Variants in GRIK2 observed in about 807,000 individuals in gnomAD.
The protein encoded by GRIK2 is glutamate receptor ionotropic, kainate 2.
Under a neutral mutation model 100.3 loss-of-function variants are expected in GRIK2, and 32 were observed. The ratio of observed to expected loss-of-function variants is 0.32; its 90% CI spans 0.24 to 0.43. The LOEUF (loss-of-function observed/expected upper bound fraction) is 0.43, where lower values mean the gene tolerates loss of function less well. GRIK2 is among the 20% of genes least tolerant of loss of function. The pLI, the probability that GRIK2 is intolerant of heterozygous loss-of-function variation, is 1.00. For synonymous variants in GRIK2, 417 were observed against 389.4 expected (o/e 1.07, Z -0.83); for missense variants, 843 against 1,114.9 (o/e 0.76, Z 3.47).
intron 2 of GRIK2, among the ~76,000 whole-genome samples, chr6:101,442,585 T>C (rs1176842390): frequency 6.6e-6 from 1 of 152,040 alleles, no homozygotes; most frequent in African/African-American, 2.4e-5. Context: ...TAGAAGGAAG[T>C]ATAAAACACA....
intron 10 of GRIK2, among the ~76,000 whole-genome samples, chr6:101,825,105 G>A (rs576608348): frequency 6.6e-6 from 1 of 152,232 alleles, no homozygotes; most frequent in East Asian, 1.9e-4. Context: ...TGGAAACCCA[G>A]ACACTGCAAC....
chr6:101,870,440 A>G (rs931294686), intron 11 of GRIK2, among the ~76,000 whole-genome samples: 8 of 151,952 alleles, frequency 5.3e-5, no homozygotes, highest in Admixed American at 2.0e-4. Context: ...CCCAAGCATT[A>G]TATTTTATTG....
At chr6:101,895,701 C>T (rs1050578540) in intron 12 of GRIK2, among the ~76,000 whole-genome samples, 4 of 151,542 alleles carry the variant, frequency 2.6e-5, no homozygotes, top group African/African-American at 9.7e-5. Flanking sequence ...ACCAACTTGC[C>T]AGCTTTTTAC....
At chr6:102,027,371 T>C (rs966384710) in intron 14 of GRIK2, among the ~76,000 whole-genome samples, 6 of 151,210 alleles carry the variant, frequency 4.0e-5, no homozygotes, top group Non-Finnish European at 7.4e-5. Context: ...TATTTATAAA[T>C]GTCTGTTTAT....
At chr6:101,575,850 A>G (rs890068859) in intron 2 of GRIK2, among the ~76,000 whole-genome samples, 1 of 151,942 alleles carries the variant, frequency 6.6e-6, no homozygotes, top group Non-Finnish European at 1.5e-5. Flanking sequence ...GTTTCCATTC[A>G]TGCCCACACC....
intron 14 of GRIK2, among the ~76,000 whole-genome samples, chr6:101,939,303 G>A (rs549228657): frequency 8.0e-4 from 121 of 151,982 alleles, no homozygotes; most frequent in Non-Finnish European, 1.3e-3. Context: ...TAGATAAATC[G>A]AGAGTATATG....
At chr6:101,572,139 G>T (rs767699877) in intron 2 of GRIK2, among the ~76,000 whole-genome samples, 15 of 151,912 alleles carry the variant, frequency 9.9e-5, no homozygotes, top group South Asian at 8.3e-4. Context: ...TTTAAAAAAA[G>T]TTGCTTTTTT....
chr6:101,737,200 C>A (rs932793778), intron 7 of GRIK2, among the ~76,000 whole-genome samples: 5 of 152,092 alleles, frequency 3.3e-5, no homozygotes, highest in African/African-American at 1.2e-4. Flanking sequence ...TCTTCTGAGC[C>A]CTCCAATCTG....
chr6:101,988,132 T>TGTGTGCGC (rs1231517176), intron 14 of GRIK2, among the ~76,000 whole-genome samples: 3 of 29,552 alleles, frequency 1.0e-4, no homozygotes, highest in African/African-American at 2.0e-4. Flanking sequence ...TGTGTGTGTG[T>TGTGTGCGC]GCGCGCGCGC....
intron 2 of GRIK2, among the ~76,000 whole-genome samples, chr6:101,553,390 T>C (rs1391113014): frequency 2.6e-5 from 4 of 152,216 alleles, no homozygotes; most frequent in African/African-American, 7.2e-5. Context: ...TTTTCTTTTG[T>C]ATACATTTCT....
intron 4 of GRIK2, among the ~76,000 whole-genome samples, chr6:101,670,260 A>G (rs1292530148): frequency 6.6e-6 from 1 of 152,146 alleles, no homozygotes; most frequent in South Asian, 2.1e-4. Context: ...TGCAAAAAAT[A>G]TATGTGGAAT....
At chr6:101,590,062 A>G (rs1778568679) in intron 2 of GRIK2, among the ~76,000 whole-genome samples, 1 of 152,108 alleles carries the variant, frequency 6.6e-6, no homozygotes, top group Admixed American at 6.6e-5. Flanking sequence ...TATACTCAGG[A>G]TACATTTAGG....
intron 7 of GRIK2, among the ~76,000 whole-genome samples, chr6:101,796,366 C>T (rs191566167): frequency 1.3e-5 from 2 of 152,250 alleles, no homozygotes; most frequent in African/African-American, 2.4e-5. Flanking sequence ...AGAGAAGGCA[C>T]ATTTTTGTGA....
intron 12 of GRIK2, among the ~76,000 whole-genome samples, chr6:101,897,657 T>G (rs146317863): frequency 6.6e-6 from 1 of 151,908 alleles, no homozygotes; most frequent in Non-Finnish European, 1.5e-5. Flanking sequence ...CGACATCTTT[T>G]ATATGAACAT....
chr6:101,984,481 A>G (rs1311316803), intron 14 of GRIK2, among the ~76,000 whole-genome samples: 3 of 151,704 alleles, frequency 2.0e-5, no homozygotes, highest in African/African-American at 7.2e-5. Flanking sequence ...CTTGCTGGAC[A>G]CAACTGAACA....
intron 2 of GRIK2, among the ~76,000 whole-genome samples, chr6:101,574,846 C>A (rs1481693221): frequency 6.6e-6 from 1 of 151,696 alleles, no homozygotes; most frequent in East Asian, 1.9e-4. Flanking sequence ...AGTTAGCTAT[C>A]ATTAGGCTTT....
intron 7 of GRIK2, among the ~76,000 whole-genome samples, chr6:101,728,014 A>C (rs1405936184): frequency 6.6e-6 from 1 of 152,106 alleles, no homozygotes; most frequent in African/African-American, 2.4e-5. Flanking sequence ...ATTATGAATA[A>C]ATTGCCAAAT....
chr6:101,839,790 C>T (rs890183413), intron 10 of GRIK2, among the ~76,000 whole-genome samples: 1 of 151,970 alleles, frequency 6.6e-6, no homozygotes, highest in African/African-American at 2.4e-5. Context: ...TTTATGAAGT[C>T]AGAATTTAGG....
At chr6:101,707,837 ATTG>A (rs1773447097) in intron 7 of GRIK2, among the ~76,000 whole-genome samples, 1 of 151,612 alleles carries the variant, frequency 6.6e-6, no homozygotes, top group Non-Finnish European at 1.5e-5. Context: ...ATGAGAATTC[ATTG>A]TTATTTTTCG....
Sources: gnomAD v4.1 joint callset for allele counts (sites outside exome capture counted in the v4.1 genomes callset) on GRCh38, gnomAD v4.1.1 for gene constraint, MANE v1.5 for transcripts, NCBI Gene and HGNC (gene_info 2026-07-23, HGNC 2026-07-21) for gene names.